The following PDE4D variants were observed in gnomAD, a reference collection of about 807,000 sequenced individuals.
PDE4D encodes phosphodiesterase 4D.
In PDE4D, 24 loss-of-function variants were observed where a neutral mutation model predicts 87.4. The observed-to-expected ratio is 0.27, with a 90% CI of 0.20 to 0.39. PDE4D has a LOEUF of 0.39. Ranked by LOEUF, PDE4D falls within the 10% of genes least tolerant of loss-of-function variation. The probability of loss-of-function intolerance (pLI) is 1.00; values close to 1 mark genes in which losing one functional copy is unlikely to be tolerated. For missense variants in PDE4D, 714 were observed against 1,041.0 expected (o/e 0.69, Z 4.32); for synonymous variants, 384 against 383.2 (o/e 1.00, Z -0.02).
chr5:59,442,584 C>T (rs113414833), intron 1 of PDE4D, among the ~76,000 whole-genome samples: 1,949 of 152,154 alleles, frequency 0.013, 21 homozygotes, highest in Non-Finnish European at 0.021. Context: ...AAGAAGACAG[C>T]GGTGATTTAA....
intron 1 of PDE4D, among the ~76,000 whole-genome samples, chr5:60,200,641 A>C (rs1426837511): frequency 6.6e-6 from 1 of 152,160 alleles, no homozygotes; most frequent in Non-Finnish European, 1.5e-5. Context: ...CTTCCAGTAT[A>C]AGATAGAAAT....
In PDE4D at chr5:60,382,742, C is replaced by T. The variant is rs541042976; in HGVS notation, c.-90+105200G>A. Among the ~76,000 whole-genome samples the T allele has an allele frequency of 6.2e-4, 95 of 152,202 alleles. 1 individual carries two copies. Among genetic ancestry groups the T allele is most frequent in the Non-Finnish European group, 5.9e-5 (4 of 68,018 alleles). On this transcript the variant is annotated intron_variant, in intron 1 of 16. Coordinates refer to the PDE4D transcript ENST00000502484. ...TCACTTTTCGTTTTCATTTTCTTAGCCCTACTCTTTTGTGTGAGAGAATAC... is the reference window on the plus strand; with the variant it reads ...TCACTTTTCGTTTTCATTTTCTTAGTCCTACTCTTTTGTGTGAGAGAATAC...
intron 1 of PDE4D, among the ~76,000 whole-genome samples, chr5:59,655,517 T>C (rs553859447): frequency 5.3e-5 from 8 of 152,206 alleles, no homozygotes; most frequent in Admixed American, 2.6e-4. Context: ...TGTTTACAAC[T>C]TATCAGTAAC....
chr5:59,723,007 T>C (rs1756073920), intron 1 of PDE4D, among the ~76,000 whole-genome samples: 1 of 152,116 alleles, frequency 6.6e-6, no homozygotes, highest in African/African-American at 2.4e-5. Context: ...GCCTTCTTTA[T>C]AAACTAATAA....
At chr5:59,457,399 C>G (rs1800090004) in intron 1 of PDE4D, among the ~76,000 whole-genome samples, 1 of 152,180 alleles carries the variant, frequency 6.6e-6, no homozygotes, top group Non-Finnish European at 1.5e-5. Context: ...CTATTGAATA[C>G]TTAATAGACT....
At chr5:59,911,859 T>C (rs151095586) in intron 3 of PDE4D, among the ~76,000 whole-genome samples, 78 of 152,340 alleles carry the variant, frequency 5.1e-4, no homozygotes, top group Admixed American at 1.4e-3. Context: ...ATTATGGTAA[T>C]GTATAATGCA....
At chr5:59,038,672 T>A (rs554283936) in intron 6 of PDE4D, among the ~76,000 whole-genome samples, 187 bp downstream of exon 6, 1 of 152,280 alleles carries the variant, frequency 6.6e-6, no homozygotes, top group East Asian at 1.9e-4. Context: ...TTGGAAAATG[T>A]TTATCTGGCG....
intron 1 of PDE4D, among the ~76,000 whole-genome samples, chr5:60,478,882 G>A (rs1165357890): frequency 6.6e-6 from 1 of 152,160 alleles, no homozygotes; most frequent in Non-Finnish European, 1.5e-5. Context: ...ATCTTTGTAT[G>A]AGGAGAAAGT....
At chr5:59,263,945 C>A (rs765874785) in intron 1 of PDE4D, among the ~76,000 whole-genome samples, 1 of 151,938 alleles carries the variant, frequency 6.6e-6, no homozygotes, top group African/African-American at 2.4e-5. Context: ...TTCTTCTTTG[C>A]ATTTGCAACA....
intron 2 of PDE4D, among the ~76,000 whole-genome samples, chr5:60,102,859 C>G (rs1479089886): frequency 1.3e-5 from 2 of 152,004 alleles, no homozygotes; most frequent in African/African-American, 4.8e-5. Context: ...TCATTGTAAA[C>G]AGTCAACTGA....
chr5:60,359,920 C>A (rs948481227), intron 1 of PDE4D, among the ~76,000 whole-genome samples: 4 of 152,166 alleles, frequency 2.6e-5, no homozygotes, highest in African/African-American at 9.7e-5. Flanking sequence ...TCACATTCAT[C>A]CTCTCATGCT....
Position 58,975,593 on chromosome 5 carries a change from A to T in PDE4D, c.2013+64T>A. On this transcript the variant is annotated intron_variant, in intron 14 of 14. Transcript: ENST00000340635. This position sits in a 1 kb window ranked among gnomAD's most constrained non-coding sequence, Gnocchi z 4.2. ...AGTAAAATACTATCATATGTAATAC[A>T]AAGTAACCAAATGCTAAAGCGGTAG... 7.6e-7 allele frequency: 1 copy of T among 1,313,598 alleles called. No individual in the cohort carries two copies. The highest frequency in any genetic ancestry group is 1.0e-6 in the Non-Finnish European group (1 of 984,546). The allele number at this position is 1,313,598 out of a possible 1,614,324, so 81.4% of individuals were successfully genotyped here.
Position 59,395,778 on chromosome 5 carries a change from T to A in PDE4D, c.456-179810A>T, listed in dbSNP as rs879452696. The stretch of plus-strand genomic sequence containing the variant: ...AGAAGAAGGCTTCAGACGATCAAAT[T>A]ACTCTGAGCTACGGGAGGACATTCA... On this transcript the variant is annotated intron_variant, in intron 1 of 14. Transcript: ENST00000340635. Among the ~76,000 whole-genome samples, 434 of 123,822 alleles carry A rather than the reference T, an allele frequency of 3.5e-3. 22 individuals carry two copies. Among genetic ancestry groups the A allele is most frequent in the Non-Finnish European group, 6.1e-3 (355 of 57,802 alleles). 81.2% of individuals were successfully genotyped at this position (123,822 alleles called of 152,430 possible). A position where few individuals can be genotyped will look rare whatever the true frequency, so the allele number is the denominator to read the frequency against.
At chr5:60,487,870 C>CT (rs1264179640) in intron 1 of PDE4D, 3 of 151,952 alleles carry the variant, frequency 2.0e-5, no homozygotes, top group African/African-American at 7.3e-5. Flanking sequence ...GTATTTTCTA[C>CT]TTACAATCAC....
intron 5 of PDE4D, among the ~76,000 whole-genome samples, chr5:59,137,579 T>A (rs1169937868): frequency 1.3e-5 from 2 of 150,490 alleles, no homozygotes; most frequent in Admixed American, 1.3e-4. Flanking sequence ...CAGGCTGGAG[T>A]GCAGTGGCGA....
chr5:59,302,582 T>A lies in PDE4D; in HGVS notation c.456-86614A>T, dbSNP rs994407825. Among the ~76,000 whole-genome samples, 3 of 151,848 alleles carry A rather than the reference T, an allele frequency of 2.0e-5. No individual in the cohort carries two copies. In the East Asian group the frequency reaches 5.8e-4, roughly 29 times the overall value. On this transcript the variant is annotated intron_variant, in intron 1 of 14. Coordinates refer to ENST00000340635, the MANE Select transcript of PDE4D (RefSeq NM_001104631.2). ...GTCCATTGTATCATTCTTATATCTT[T>A]GTGTCCTCATAGCTTAGATCCCACA...
intron 1 of PDE4D, among the ~76,000 whole-genome samples, chr5:60,389,921 G>A (rs1762451263): frequency 6.6e-6 from 1 of 152,210 alleles, no homozygotes; most frequent in African/African-American, 2.4e-5. Flanking sequence ...TTGAGGCCAT[G>A]TTTTAAAGCT....
At chr5:59,426,124 G>A (rs540989286) in intron 1 of PDE4D, among the ~76,000 whole-genome samples, 2 of 152,292 alleles carry the variant, frequency 1.3e-5, no homozygotes, top group Admixed American at 1.3e-4. Flanking sequence ...ACAGTGAGAA[G>A]GTGGCCATCT....
intron 11 of PDE4D, among the ~76,000 whole-genome samples, chr5:58,987,294 A>G (rs1044166558): frequency 2.6e-5 from 4 of 152,230 alleles, no homozygotes; most frequent in African/African-American, 9.6e-5. Flanking sequence ...AGAACATGAA[A>G]TGTTATCCTG....
Sources: allele counts gnomAD v4.1 joint callset (sites outside exome capture counted in the v4.1 genomes callset), GRCh38; gene constraint gnomAD v4.1.1; non-coding constraint Gnocchi (gnomAD v3.1); transcripts MANE v1.5; gene names NCBI Gene and HGNC (gene_info 2026-07-23, HGNC 2026-07-21).